Variants in FRK observed in about 807,000 individuals in gnomAD.
The protein encoded by FRK is fyn related Src family tyrosine kinase.
A neutral mutation model predicts 56.4 loss-of-function variants in FRK; 51 were observed. That is an observed-to-expected ratio of 0.90 (90% CI 0.72 to 1.14). The LOEUF is 1.14. FRK is among the 50% of genes most tolerant of loss of function. FRK has a pLI of 0.00. For synonymous variants in FRK, 245 were observed against 217.9 expected (o/e 1.12, Z -1.10); for missense variants, 570 against 601.4 (o/e 0.95, Z 0.55).
At chr6:116,075,433 T>C in the FRK span, among the ~76,000 whole-genome samples, 157 of 148,266 alleles carry the variant, frequency 1.1e-3, no homozygotes, top group Non-Finnish European at 2.1e-3. Flanking sequence ...GATTTTGGTG[T>C]GATTATGCAA....
At chr6:116,001,981 AGTAT>A (rs1027400557) in intron 2 of FRK, among the ~76,000 whole-genome samples, 8 of 152,194 alleles carry the variant, frequency 5.3e-5, no homozygotes, top group African/African-American at 1.7e-4. Context: ...TGGGGGTATA[AGTAT>A]GTATGTATAT....
chr6:116,042,714 G>C (rs1776770186), intron 1 of FRK, among the ~76,000 whole-genome samples: 1 of 152,078 alleles, frequency 6.6e-6, no homozygotes, highest in African/African-American at 2.4e-5. Flanking sequence ...CATAATGACA[G>C]GATTAAATTC....
At chr6:115,974,056 A>C (rs187290772) in intron 2 of FRK, among the ~76,000 whole-genome samples, 1 of 152,218 alleles carries the variant, frequency 6.6e-6, no homozygotes, top group South Asian at 2.1e-4. Flanking sequence ...TATCAAAAAG[A>C]GAAGTCCATA....
the FRK span, among the ~76,000 whole-genome samples, chr6:116,089,687 C>T: frequency 6.6e-6 from 1 of 152,134 alleles, no homozygotes; most frequent in Non-Finnish European, 1.5e-5. Context: ...ATTTTCTCTT[C>T]TTATAAGGAC....
chr6:115,955,086 C>T (rs1772933484), intron 5 of FRK, among the ~76,000 whole-genome samples: 1 of 151,800 alleles, frequency 6.6e-6, no homozygotes, highest in Admixed American at 6.6e-5. Flanking sequence ...ATTGTCAGGA[C>T]ATAAAAAATT....
chr6:116,017,059 G>T (rs1562287602), intron 1 of FRK, among the ~76,000 whole-genome samples: 1 of 152,156 alleles, frequency 6.6e-6, no homozygotes, highest in Non-Finnish European at 1.5e-5. Flanking sequence ...TTTACTGCTT[G>T]CTCCTGCTTA....
chr6:115,992,285 C>G lies in FRK; in HGVS notation c.466+11592G>C, dbSNP rs1190942853. On this transcript the variant is annotated intron_variant, in intron 2 of 7. Transcript: ENST00000606080. ...TTGTTGTCTCATCTCCTGTAATGCC[C>G]TCCCTTATAAATCCCTTCAAAAGAA... 2.0e-5 allele frequency among the ~76,000 whole-genome samples: 3 copies of G among 151,626 alleles called. No individual in the cohort carries two copies. The South Asian group carries it at 6.2e-4, about 31-fold the overall frequency.
intron 1 of FRK, among the ~76,000 whole-genome samples, chr6:116,018,564 T>C (rs1775741304): frequency 6.6e-6 from 1 of 152,212 alleles, no homozygotes; most frequent in East Asian, 1.9e-4. Flanking sequence ...ATGTTTGCTC[T>C]CTTACAAAGT....
chr6:116,030,402 T>G (rs1372852752), intron 1 of FRK, among the ~76,000 whole-genome samples: 1 of 152,068 alleles, frequency 6.6e-6, no homozygotes, highest in Non-Finnish European at 1.5e-5. Flanking sequence ...CTCCTATCAC[T>G]CAGAAAATGA....
In FRK at chr6:115,969,080, A is replaced by G. The variant is rs77747502; in HGVS notation, c.467-341T>C. 3.1e-3 allele frequency among the ~76,000 whole-genome samples: 475 copies of G among 152,322 alleles called. 4 individuals are homozygous for G. Among genetic ancestry groups the G allele is most frequent in the African/African-American group, 0.011 (438 of 41,568 alleles). ...CAAAGAAGGACACCTTACCATTTTGAGGAATCACAGTATCCATAAGATAAA... is the reference window on the plus strand; with the variant it reads ...CAAAGAAGGACACCTTACCATTTTGGGGAATCACAGTATCCATAAGATAAA... On this transcript the variant is annotated intron_variant, in intron 2 of 7. Transcript: ENST00000606080.
At chr6:116,019,974 G>C (rs969964849) in intron 1 of FRK, among the ~76,000 whole-genome samples, 2 of 152,044 alleles carry the variant, frequency 1.3e-5, no homozygotes, top group African/African-American at 4.8e-5. Context: ...AAAACAGAAA[G>C]CAAAATGAGA....
chr6:116,038,099 G>T (rs1248077789), intron 1 of FRK, among the ~76,000 whole-genome samples: 1 of 152,198 alleles, frequency 6.6e-6, no homozygotes, highest in Non-Finnish European at 1.5e-5. Context: ...CAGCATGAGA[G>T]CCACAGAAGC....
intron 2 of FRK, among the ~76,000 whole-genome samples, chr6:115,984,715 T>C (rs1166147124): frequency 2.0e-5 from 3 of 151,002 alleles, no homozygotes; most frequent in Non-Finnish European, 2.9e-5. Flanking sequence ...ATCCTATACC[T>C]GTTTCCCTCT....
At chr6:116,003,306 C>T (rs1775132829) in intron 2 of FRK, among the ~76,000 whole-genome samples, 1 of 152,196 alleles carries the variant, frequency 6.6e-6, no homozygotes, top group Non-Finnish European at 1.5e-5. Context: ...AAAGCAAAGA[C>T]ATATATTTAG....
rs543493859 is a variant in FRK at position 116,018,292 on chromosome 6, TC to T, written c.345-14295del. ...AATTGTTCTGCTCAATTAAGGCCCA[TC>T]TATTCCATGTCTTTATTCTCAGCAG... On this transcript the variant is annotated intron_variant, in intron 1 of 7. Coordinates refer to ENST00000606080, the MANE Select transcript of FRK (RefSeq NM_002031.3). 1.2e-4 allele frequency among the ~76,000 whole-genome samples: 19 copies of T among 152,330 alleles called. No homozygotes were observed. In the South Asian group the frequency reaches 3.7e-3, roughly 30 times the overall value.
the FRK span, among the ~76,000 whole-genome samples, chr6:116,091,110 T>C: frequency 1.3e-5 from 2 of 152,338 alleles, no homozygotes; most frequent in African/African-American, 4.8e-5. Flanking sequence ...GTGAAGCCAG[T>C]TGGACTTCCT....
intron 1 of FRK, among the ~76,000 whole-genome samples, chr6:116,010,494 A>C (rs1775422089): frequency 6.6e-6 from 1 of 152,212 alleles, no homozygotes; most frequent in South Asian, 2.1e-4. Context: ...ACAGGAAAAA[A>C]TCCCAAAGGA....
At chr6:116,080,236 A>T in the FRK span, among the ~76,000 whole-genome samples, 1 of 152,024 alleles carries the variant, frequency 6.6e-6, no homozygotes, top group Non-Finnish European at 1.5e-5. Context: ...GCTCACTGCA[A>T]CCTCCGAATC....
At chr6:116,063,114 A>G (rs1484197333), upstream of FRK, among the ~76,000 whole-genome samples, 3 of 152,190 alleles carry the variant, frequency 2.0e-5, no homozygotes, top group African/African-American at 7.2e-5. Context: ...CCTAGTCATT[A>G]CTAGTAAGAG....
Sources: gnomAD v4.1 joint callset for allele counts (sites outside exome capture counted in the v4.1 genomes callset) on GRCh38, gnomAD v4.1.1 for gene constraint, MANE v1.5 for transcripts, NCBI Gene and HGNC (gene_info 2026-07-23, HGNC 2026-07-21) for gene names.